The following PTPRM variants were observed in gnomAD, a reference collection of about 807,000 sequenced individuals.
PTPRM encodes protein tyrosine phosphatase receptor type M, also known as receptor-type tyrosine-protein phosphatase mu.
PTPRM carries 47 observed loss-of-function variants against 186.7 expected under a neutral mutation model. That is an observed-to-expected ratio of 0.25 (90% CI 0.20 to 0.32). The LOEUF (loss-of-function observed/expected upper bound fraction) is 0.32, where lower values mean the gene tolerates loss of function less well. Ranked by LOEUF, PTPRM falls within the 10% of genes least tolerant of loss-of-function variation. The probability of loss-of-function intolerance (pLI) is 1.00; values close to 1 mark genes in which losing one functional copy is unlikely to be tolerated. For missense variants in PTPRM, 1,494 were observed against 1,865.0 expected, an observed-to-expected ratio of 0.80 and a Z score of 3.66; for synonymous variants, 668 against 674.9, an observed-to-expected ratio of 0.99 and a Z score of 0.16.
chr18:8,379,190 G>T lies in PTPRM; in HGVS notation c.3636G>T (p.Thr1212=), dbSNP rs766508090. ...EFRTLNMVTP[T]LRVEDCSIAL... The stretch of plus-strand genomic sequence containing the variant: ...AGACGCTAAACATGGTGACACCAAC[G>T]CTGCGAGTAGAGGACTGCAGCATCG... Residue 1212 remains threonine, a synonymous_variant, in exon 28 of 33, where the codon ACG becomes ACT. Transcript: ENST00000580170. 6.2e-7 allele frequency: 1 copy of T among 1,609,632 alleles called. No homozygotes were observed. Among genetic ancestry groups the T allele is most frequent in the African/African-American group, 1.3e-5 (1 of 74,810 alleles).
intron 31 of PTPRM, among the ~76,000 whole-genome samples, chr18:8,392,391 G>A (rs932745635): frequency 1.6e-4 from 25 of 152,104 alleles, no homozygotes; most frequent in African/African-American, 5.8e-4. Flanking sequence ...TTGGGAGGCC[G>A]GGGCGGGCAG....
At chr18:8,389,933 A>T (rs2095800773) in intron 31 of PTPRM, among the ~76,000 whole-genome samples, 1 of 152,112 alleles carries the variant, frequency 6.6e-6, no homozygotes, top group African/African-American at 2.4e-5. Flanking sequence ...GCAAATAGAG[A>T]GTGTTTTTCT....
chr18:8,091,643 T>C (rs1395394760), intron 11 of PTPRM, among the ~76,000 whole-genome samples: 1 of 151,646 alleles, frequency 6.6e-6, no homozygotes, highest in Non-Finnish European at 1.5e-5. Context: ...ATTCATTATA[T>C]AGGACAACAT....
At chr18:8,069,541 T>C (rs2089326714) in intron 7 of PTPRM, 145 bp from the exon 8 acceptor site, 2 of 750,464 alleles carry the variant, frequency 2.7e-6, no homozygotes, top group Non-Finnish European at 4.2e-6. Flanking sequence ...GCCAAATGCC[T>C]AGCCAAGATT....
chr18:8,243,180 A>T (rs914929812), intron 14 of PTPRM, among the ~76,000 whole-genome samples: 3 of 152,102 alleles, frequency 2.0e-5, no homozygotes, highest in African/African-American at 7.2e-5. Context: ...GGTGTCAGTC[A>T]TTTTAGATGT....
Position 8,085,968 on chromosome 18 carries a change from C to T in PTPRM, c.1753+96C>T, listed in dbSNP as rs2090411411. 6.8e-6 allele frequency: 8 copies of T among 1,183,486 alleles called. No homozygotes were observed. The Middle Eastern group carries it at 5.8e-4, about 86-fold the overall frequency. 73.3% of individuals were successfully genotyped at this position (1,183,486 alleles called of 1,614,324 possible). A position where few individuals can be genotyped will look rare whatever the true frequency, so the allele number is the denominator to read the frequency against. ...AGTATGCCAAGCTCGCCCACACTAA[C>T]ATTGTATCCAAAGGAATACTCCTGG... is the stretch of plus-strand genomic sequence containing the variant. On this transcript the variant is annotated intron_variant, in intron 10 of 32. Transcript: ENST00000580170.
chr18:7,634,369 C>T (rs962849176), intron 1 of PTPRM, among the ~76,000 whole-genome samples: 3 of 152,160 alleles, frequency 2.0e-5, no homozygotes, highest in Non-Finnish European at 4.4e-5. Flanking sequence ...GTCTTCTCCA[C>T]AATGCCCAGT....
chr18:8,089,118 G>A (rs1440027451), intron 11 of PTPRM, among the ~76,000 whole-genome samples: 1 of 152,170 alleles, frequency 6.6e-6, no homozygotes, highest in Non-Finnish European at 1.5e-5. Context: ...TGTTGAGGAG[G>A]TAGTTTTAAA....
chr18:8,362,279 C>A (rs557595103), intron 23 of PTPRM, among the ~76,000 whole-genome samples: 1 of 152,302 alleles, frequency 6.6e-6, no homozygotes, highest in South Asian at 2.1e-4. Flanking sequence ...GGGCAGCTGC[C>A]TCAGCTGCAG....
intron 13 of PTPRM, among the ~76,000 whole-genome samples, chr18:8,134,450 T>G (rs2092589850): frequency 1.3e-5 from 2 of 152,190 alleles, no homozygotes; most frequent in African/African-American, 4.8e-5. Context: ...ATTAGATAAA[T>G]GACCCTAGTT....
intron 19 of PTPRM, among the ~76,000 whole-genome samples, chr18:8,286,694 A>T (rs1356934712): frequency 6.6e-6 from 1 of 152,226 alleles, no homozygotes; most frequent in Admixed American, 6.5e-5. Flanking sequence ...TGCTTTTAAG[A>T]GTAGGCATTG....
At chr18:8,371,178 C>A (rs2095660665) in intron 24 of PTPRM, among the ~76,000 whole-genome samples, 172 bp downstream of exon 24, 1 of 152,140 alleles carries the variant, frequency 6.6e-6, no homozygotes, top group African/African-American at 2.4e-5. Flanking sequence ...CAGCTCAGTT[C>A]CATCTTTAAA....
chr18:7,991,498 G>A (rs113646838), intron 7 of PTPRM, among the ~76,000 whole-genome samples: 2 of 152,128 alleles, frequency 1.3e-5, no homozygotes, highest in Non-Finnish European at 2.9e-5. Context: ...AAAGTAAAAC[G>A]GAAATATTGG....
chr18:7,945,149 G>A (rs1323133289), intron 5 of PTPRM, among the ~76,000 whole-genome samples: 1 of 152,014 alleles, frequency 6.6e-6, no homozygotes, highest in Non-Finnish European at 1.5e-5. Context: ...GCCCTATGCT[G>A]CCTCAGGAAT....
At position 8,023,847 on chromosome 18, in the gene PTPRM, C is replaced by CAA. The variant is rs1258258436; in HGVS notation, c.1133-45838_1133-45837insAA. Among the ~76,000 whole-genome samples, 210 of 131,830 alleles carry CAA rather than the reference C, an allele frequency of 1.6e-3. No homozygotes were observed. The South Asian group carries it at 0.026, about 16-fold the overall frequency. The allele number at this position is 131,830 out of a possible 152,430, so 86.5% of individuals were successfully genotyped here. ...TTATCAGAAGACACACACACACACA[C>CAA]ACACACACACACACACACACACACG... On this transcript the variant is annotated intron_variant, in intron 7 of 32. Transcript: ENST00000580170.
chr18:8,302,971 C>G (rs551047939), intron 20 of PTPRM, among the ~76,000 whole-genome samples: 1 of 152,078 alleles, frequency 6.6e-6, no homozygotes, highest in Non-Finnish European at 1.5e-5. Flanking sequence ...CTGTAGACTG[C>G]TGTGAAATCT....
intron 1 of PTPRM, among the ~76,000 whole-genome samples, chr18:7,659,151 CA>C (rs1376177722): frequency 2.0e-5 from 3 of 150,538 alleles, no homozygotes; most frequent in African/African-American, 7.5e-5. Flanking sequence ...CACACACACA[CA>C]CACAATCTCC....
chr18:8,233,237 G>C (rs2094308266), intron 14 of PTPRM, among the ~76,000 whole-genome samples: 1 of 152,216 alleles, frequency 6.6e-6, no homozygotes, highest in Non-Finnish European at 1.5e-5. Context: ...ACTGTGCCTG[G>C]CCCAAACTGT....
chr18:7,998,601 A>T (rs1008031071), intron 7 of PTPRM, among the ~76,000 whole-genome samples: 1 of 152,214 alleles, frequency 6.6e-6, no homozygotes, highest in Non-Finnish European at 1.5e-5. Context: ...AAGAATATTC[A>T]TATAGTGAAA....
Sources: allele counts gnomAD v4.1 joint callset (sites outside exome capture counted in the v4.1 genomes callset), GRCh38; gene constraint gnomAD v4.1.1; transcripts MANE v1.5; gene names NCBI Gene and HGNC (gene_info 2026-07-23, HGNC 2026-07-21).